CCDC9: variants seen among roughly 807,000 people sequenced by gnomAD.
CCDC9 encodes coiled-coil domain containing 9, also known as coiled-coil domain-containing protein 9.
In CCDC9, 52 loss-of-function variants were observed where a neutral mutation model predicts 65.6. The observed-to-expected ratio is 0.79, with a 90% CI of 0.63 to 1.00. The LOEUF (loss-of-function observed/expected upper bound fraction) is 1.00. Among genes scored for constraint, CCDC9 ranks in the 50% least tolerant of loss-of-function variants. CCDC9 has a pLI of 0.00. For missense variants in CCDC9, 834 were observed against 757.2 expected, an observed-to-expected ratio of 1.10 and a Z score of -1.19; for synonymous variants, 332 against 280.3, an observed-to-expected ratio of 1.18 and a Z score of -1.84.
chr19:47,270,934 C>T, intron 10 of CCDC9, 148 bp from the exon 11 acceptor site: 1 of 731,286 alleles, frequency 1.4e-6, no homozygotes, highest in Non-Finnish European at 2.3e-6. Context: ...CTGTCCTTGA[C>T]ACATGGGGAC....
At chr19:47,272,170 G>A (rs2059128247), downstream of CCDC9, 2 of 1,234,190 alleles carry the variant, frequency 1.6e-6, no homozygotes, top group Admixed American at 8.3e-5. Flanking sequence ...AGGTGGGGGA[G>A]TGCATGGGGC....
At chr19:47,264,535 C>T in intron 5 of CCDC9, 68 bp from the exon 6 acceptor site, 1 of 1,445,714 alleles carries the variant, frequency 6.9e-7, no homozygotes, top group Non-Finnish European at 9.5e-7. Flanking sequence ...TGCTGGGCAG[C>T]CCGTCTCCTG....
At chr19:47,265,654 T>C (rs1291827207) in intron 7 of CCDC9, among the ~76,000 whole-genome samples, 2 of 152,046 alleles carry the variant, frequency 1.3e-5, no homozygotes, top group African/African-American at 4.8e-5. Context: ...GCACTTACTA[T>C]GTGCCAGGTA....
downstream of CCDC9, chr19:47,273,941 C>T (rs1182097788): frequency 2.0e-5 from 20 of 982,006 alleles, no homozygotes; most frequent in Non-Finnish European, 2.2e-5. Flanking sequence ...CCCTTCTGAT[C>T]CGTCTTCCCT....
intron 5 of CCDC9, among the ~76,000 whole-genome samples, chr19:47,263,059 C>G (rs530951291): frequency 6.7e-6 from 1 of 149,896 alleles, no homozygotes; most frequent in East Asian, 2.0e-4. Flanking sequence ...GAACACACAC[C>G]ACTACATTCC....
At position 47,271,937 on chromosome 19, in the gene CCDC9, G is replaced by T. The variant is rs888016446; in HGVS notation, c.*259G>T. 4 of 1,295,212 alleles carry T rather than the reference G, an allele frequency of 3.1e-6. No homozygotes were observed. In the African/African-American group the frequency reaches 6.0e-5, roughly 19 times the overall value. 80.2% of individuals were successfully genotyped at this position (1,295,212 alleles called of 1,614,324 possible). A position where few individuals can be genotyped will look rare whatever the true frequency, so the allele number is the denominator to read the frequency against. Reference sequence around the variant, plus strand: ...CCCTTCGAGCCCCCTCCCCAATAAAGAATTCACATCCTCCAATGACATTCC... The same window carrying T: ...CCCTTCGAGCCCCCTCCCCAATAAATAATTCACATCCTCCAATGACATTCC... On this transcript the variant is annotated 3_prime_UTR_variant, in exon 12 of 12. Coordinates refer to ENST00000221922, the MANE Select transcript of CCDC9 (RefSeq NM_015603.3).
chr19:47,268,256 C>T (rs1409293680), intron 8 of CCDC9, among the ~76,000 whole-genome samples: 3 of 152,190 alleles, frequency 2.0e-5, no homozygotes, highest in Non-Finnish European at 4.4e-5. Flanking sequence ...TGGGGACCAA[C>T]TTCCATAACC....
chr19:47,264,740 GC>G (rs750236459), intron 6 of CCDC9, 32 bp from the exon 7 acceptor site: 5 of 1,603,546 alleles, frequency 3.1e-6, no homozygotes, highest in Non-Finnish European at 4.3e-6. Context: ...GCTGCGGGGA[GC>G]CCGCGCCAAC....
At chr19:47,275,587 T>G (rs2059155271), downstream of CCDC9, 1 of 559,056 alleles carries the variant, frequency 1.8e-6, no homozygotes, top group Non-Finnish European at 3.2e-6. Flanking sequence ...CTGAGCTCTG[T>G]CTCCTGCCCC....
At chr19:47,258,034 G>A (rs1004176711) in intron 1 of CCDC9, 2 of 321,818 alleles carry the variant, frequency 6.2e-6, no homozygotes, top group Admixed American at 4.8e-5. Context: ...TCAGCCTTTG[G>A]AGGAGAGCAG....
At chr19:47,259,984 C>T (rs2059034121) in intron 3 of CCDC9, among the ~76,000 whole-genome samples, 1 of 152,158 alleles carries the variant, frequency 6.6e-6, no homozygotes, top group South Asian at 2.1e-4. Context: ...TGGCGCAAAG[C>T]CCCTGAGGCA....
At position 47,260,753 on chromosome 19, in the gene CCDC9, G is replaced by A; in HGVS notation, c.376G>A (p.Gly126Arg). 1 of 1,608,264 alleles carries A rather than the reference G, an allele frequency of 6.2e-7. No homozygotes were observed. The highest frequency in any genetic ancestry group is 8.5e-7 in the Non-Finnish European group (1 of 1,177,706). ...PGEQPRGGGA[G>R]GRGRRGRGRG... ...GGAGCAGCCTCGAGGAGGAGGAGCT[G>A]GGGGCCGTGGCCGGAGGGGCCGGGG... The change falls in exon 5 of 12, where the codon GGG becomes AGG. Residue 126 changes from glycine to arginine, a missense_variant. Physicochemically the swap from Gly to Arg is moderately radical, Grantham distance 125. Transcript: ENST00000221922.
Position 47,262,184 on chromosome 19 carries a change from A to G in CCDC9, c.462+1345A>G, listed in dbSNP as rs575098977. ...CCAGGGGGTGAGGCCCTGCTCCATG[A>G]TGTCACTCAGGGACCCAGGTTCCTG... is the stretch of plus-strand genomic sequence containing the variant. On this transcript the variant is annotated intron_variant, in intron 5 of 11. Transcript: ENST00000221922. Among the ~76,000 whole-genome samples the G allele has an allele frequency of 2.8e-5, 4 of 144,036 alleles. No homozygotes were observed. The South Asian group carries it at 8.9e-4, about 32-fold the overall frequency. The allele number at this position is 144,036 out of a possible 152,430, so 94.5% of individuals were successfully genotyped here. A position where few individuals can be genotyped will look rare whatever the true frequency, so the allele number is the denominator to read the frequency against.
chr19:47,260,180 A>G, intron 3 of CCDC9, 141 bp from the exon 4 acceptor site: 1 of 626,728 alleles, frequency 1.6e-6, no homozygotes, highest in Non-Finnish European at 2.9e-6. Context: ...CTGAGGTTTG[A>G]GGGATATGAG....
At chr19:47,275,610 A>G (rs529801536), downstream of CCDC9, 67 of 520,122 alleles carry the variant, frequency 1.3e-4, 1 homozygote, top group Admixed American at 1.1e-3. Context: ...CTGCTGTGGG[A>G]TGCTGAGCAC....
At chr19:47,262,628 C>G (rs906363200) in intron 5 of CCDC9, among the ~76,000 whole-genome samples, 3 of 152,122 alleles carry the variant, frequency 2.0e-5, no homozygotes, top group Non-Finnish European at 4.4e-5. Flanking sequence ...AAAGATAAGT[C>G]TGCTTTATCA....
At chr19:47,259,075 C>T (rs994568955) in intron 3 of CCDC9, among the ~76,000 whole-genome samples, 2 of 152,188 alleles carry the variant, frequency 1.3e-5, no homozygotes, top group African/African-American at 4.8e-5. Context: ...GGAGGGCTTC[C>T]TGGAGGAGTG....
downstream of CCDC9, chr19:47,272,164 G>T (rs180784368): frequency 3.2e-6 from 4 of 1,234,788 alleles, no homozygotes; most frequent in African/African-American, 3.1e-5. Flanking sequence ...AACTCCAGGT[G>T]GGGGAGTGCA....
intron 10 of CCDC9, 35 bp from the exon 11 acceptor site, chr19:47,271,047 C>A: frequency 6.9e-7 from 1 of 1,456,280 alleles, no homozygotes; most frequent in Non-Finnish European, 9.3e-7. Context: ...GTCTACTCTC[C>A]ACCCAGGCAT....
Sources: allele counts gnomAD v4.1 joint callset (sites outside exome capture counted in the v4.1 genomes callset), GRCh38; gene constraint gnomAD v4.1.1; transcripts MANE v1.5; gene names NCBI Gene and HGNC (gene_info 2026-07-23, HGNC 2026-07-21).